The following KHDRBS2 variants were observed in gnomAD, a reference collection of about 807,000 sequenced individuals.
KHDRBS2 encodes the protein KH domain-containing, RNA-binding, signal transduction-associated protein 2.
Under a neutral mutation model 44.3 loss-of-function variants are expected in KHDRBS2, and 26 were observed. The ratio of observed to expected loss-of-function variants is 0.59; its 90% CI spans 0.43 to 0.81. The LOEUF is 0.81. Among genes scored for constraint, KHDRBS2 ranks in the 40% least tolerant of loss-of-function variants. KHDRBS2 has a pLI of 0.00. For missense variants in KHDRBS2, 476 were observed against 433.1 expected, an observed-to-expected ratio of 1.10 and a Z score of -0.88; for synonymous variants, 194 against 151.1, an observed-to-expected ratio of 1.28 and a Z score of -2.08.
intron 2 of KHDRBS2, among the ~76,000 whole-genome samples, chr6:62,160,181 A>C (rs1285425497): frequency 6.6e-6 from 1 of 152,164 alleles, no homozygotes; most frequent in African/African-American, 2.4e-5. Context: ...GCAACTTTAC[A>C]TTCTGACATG....
At chr6:61,879,595 T>C (rs1035706600) in intron 6 of KHDRBS2, among the ~76,000 whole-genome samples, 1 of 151,990 alleles carries the variant, frequency 6.6e-6, no homozygotes, top group African/African-American at 2.4e-5. Flanking sequence ...CTTCATTGCC[T>C]CTGCCTGTGG....
intron 1 of KHDRBS2, among the ~76,000 whole-genome samples, chr6:62,253,533 A>G (rs1304475766): frequency 1.3e-5 from 2 of 151,856 alleles, no homozygotes; most frequent in Non-Finnish European, 2.9e-5. Flanking sequence ...TCTTAGCTAA[A>G]ATGCAAGTTG....
intron 2 of KHDRBS2, among the ~76,000 whole-genome samples, chr6:62,143,335 GA>G (rs1290088412): frequency 6.6e-6 from 1 of 151,940 alleles, no homozygotes; most frequent in African/African-American, 2.4e-5. Flanking sequence ...ACTCAGAAAT[GA>G]ATATAGGCTT....
the KHDRBS2 span, among the ~76,000 whole-genome samples, chr6:61,641,817 T>C: frequency 6.6e-6 from 1 of 152,198 alleles, no homozygotes; most frequent in African/African-American, 2.4e-5. Context: ...AAGATAGAGA[T>C]AGAGGCCAAG....
At chr6:61,918,611 C>A (rs1370417105) in intron 4 of KHDRBS2, among the ~76,000 whole-genome samples, 1 of 151,974 alleles carries the variant, frequency 6.6e-6, no homozygotes, top group Non-Finnish European at 1.5e-5. Context: ...GGACCTCCAA[C>A]CTTCAGAACT....
intron 6 of KHDRBS2, among the ~76,000 whole-genome samples, chr6:61,869,964 G>GTTTTTTTTTTTT (rs59518436): frequency 1.4e-4 from 15 of 109,016 alleles, no homozygotes; most frequent in African/African-American, 4.9e-4. Context: ...CTGCAGGAGT[G>GTTTTTTTTTTTT]TTTTTTTTTT....
At position 62,228,946 on chromosome 6, in the gene KHDRBS2, ATCTGACAACCC is replaced by A. The variant is rs1832399359; in HGVS notation, c.92-51645_92-51635del. Among the ~76,000 whole-genome samples the A allele has an allele frequency of 3.3e-5, 5 of 152,108 alleles. No individual in the cohort carries two copies. In the South Asian group the frequency reaches 1.0e-3, roughly 32 times the overall value. On this transcript the variant is annotated intron_variant, in intron 1 of 8. Coordinates refer to ENST00000281156, the MANE Select transcript of KHDRBS2 (RefSeq NM_152688.4). The stretch of plus-strand genomic sequence containing the variant: ...CAGTAGGAACATTCCTGTATAGGGT[ATCTGACAACCC>A]TGTTGGAGGATCTCACCCAGTTGGG...
intron 4 of KHDRBS2, among the ~76,000 whole-genome samples, chr6:61,945,112 A>AAAATATATATATAT (rs1491476068): frequency 2.1e-5 from 1 of 48,416 alleles, no homozygotes; most frequent in Non-Finnish European, 3.6e-5. Context: ...AAAAAAAAAA[A>AAAATATATATATAT]GTATATATAT....
intron 6 of KHDRBS2, among the ~76,000 whole-genome samples, chr6:61,814,924 G>A (rs1228495836): frequency 2.0e-5 from 3 of 152,034 alleles, no homozygotes; most frequent in East Asian, 1.9e-4. Context: ...ATATAAAATG[G>A]TAAAGTATTT....
the KHDRBS2 span, among the ~76,000 whole-genome samples, chr6:61,631,276 A>G: frequency 2.8e-5 from 4 of 144,930 alleles, no homozygotes; most frequent in East Asian, 2.1e-4. Flanking sequence ...GGAAACTTAT[A>G]TCTTTACAGG....
intron 4 of KHDRBS2, among the ~76,000 whole-genome samples, chr6:61,951,388 A>G (rs1487289073): frequency 6.6e-6 from 1 of 152,110 alleles, no homozygotes; most frequent in Non-Finnish European, 1.5e-5. Flanking sequence ...TTATCAATCT[A>G]CCAATCATTT....
intron 7 of KHDRBS2, among the ~76,000 whole-genome samples, chr6:61,715,686 T>C (rs1771279852): frequency 6.6e-6 from 1 of 151,974 alleles, no homozygotes. Flanking sequence ...TCACATGCTA[T>C]GTGTTTATTT....
At chr6:62,027,862 T>C (rs1783650014) in intron 3 of KHDRBS2, among the ~76,000 whole-genome samples, 1 of 152,132 alleles carries the variant, frequency 6.6e-6, no homozygotes, top group East Asian at 1.9e-4. Flanking sequence ...TCCTGAGATT[T>C]ACCCTTTTAT....
intron 2 of KHDRBS2, among the ~76,000 whole-genome samples, chr6:62,114,616 A>C (rs1178322146): frequency 1.3e-5 from 2 of 152,174 alleles, no homozygotes; most frequent in Non-Finnish European, 2.9e-5. Flanking sequence ...GGTATTATAA[A>C]CAATGACAAA....
At chr6:61,891,088 A>G (rs1011011470) in intron 6 of KHDRBS2, among the ~76,000 whole-genome samples, 1 of 152,230 alleles carries the variant, frequency 6.6e-6, no homozygotes. Context: ...AGTATGTGAC[A>G]GTAACTATAT....
the KHDRBS2 span, among the ~76,000 whole-genome samples, chr6:61,602,232 A>G: frequency 1.3e-5 from 2 of 152,206 alleles, no homozygotes; most frequent in South Asian, 2.1e-4. Flanking sequence ...GCACCCAAGT[A>G]GCAATGTATT....
chr6:61,864,931 CT>C (rs1298621775), intron 6 of KHDRBS2, among the ~76,000 whole-genome samples: 29 of 152,244 alleles, frequency 1.9e-4, no homozygotes, highest in Admixed American at 1.6e-3. Context: ...GATTTGGTCT[CT>C]TTATATAATC....
At chr6:62,102,228 G>A (rs1207113170) in intron 2 of KHDRBS2, among the ~76,000 whole-genome samples, 1 of 152,166 alleles carries the variant, frequency 6.6e-6, no homozygotes. Flanking sequence ...TCATATGATA[G>A]TTGAGTTGTT....
intron 3 of KHDRBS2, among the ~76,000 whole-genome samples, chr6:61,982,499 G>A (rs1388670703): frequency 2.0e-5 from 3 of 151,408 alleles, no homozygotes; most frequent in Admixed American, 2.0e-4. Flanking sequence ...GTGAAACCCC[G>A]TCTCTACTAA....
Sources: gnomAD v4.1 joint callset for allele counts (sites outside exome capture counted in the v4.1 genomes callset) on GRCh38, gnomAD v4.1.1 for gene constraint, MANE v1.5 for transcripts, NCBI Gene and HGNC (gene_info 2026-07-23, HGNC 2026-07-21) for gene names.